NDE1: variants seen among roughly 807,000 people sequenced by gnomAD.
The protein encoded by NDE1 is nudE neurodevelopment protein 1, also known as nuclear distribution protein nudE homolog 1.
NDE1 carries 28 observed loss-of-function variants against 43.4 expected under a neutral mutation model. The observed-to-expected ratio is 0.65, with a 90% CI of 0.48 to 0.89. The LOEUF (loss-of-function observed/expected upper bound fraction) is 0.89. Among genes scored for constraint, NDE1 ranks in the 40% least tolerant of loss-of-function variants. The pLI is 0.00. For missense variants in NDE1, 441 were observed against 434.1 expected, an observed-to-expected ratio of 1.02 and a Z score of -0.14; for synonymous variants, 184 against 172.0, an observed-to-expected ratio of 1.07 and a Z score of -0.55.
At chr16:15,680,083 A>G (rs1353938556) in intron 4 of NDE1, among the ~76,000 whole-genome samples, 1 of 152,074 alleles carries the variant, frequency 6.6e-6, no homozygotes, top group Non-Finnish European at 1.5e-5. Context: ...CCAGCCAGAG[A>G]TGATGAATTC....
intron 8 of NDE1, chr16:15,721,235 C>T: frequency 6.4e-6 from 6 of 940,140 alleles, no homozygotes; most frequent in Non-Finnish European, 9.9e-6. Flanking sequence ...GACCCCCCAA[C>T]TCAGACCCAT....
chr16:15,697,460 G>C (rs1459681849), intron 8 of NDE1, among the ~76,000 whole-genome samples: 1 of 152,118 alleles, frequency 6.6e-6, no homozygotes, highest in Non-Finnish European at 1.5e-5. Context: ...TGTAATCCCA[G>C]CAGTCTGGGA....
At chr16:15,698,430 A>G (rs2151147766) in intron 8 of NDE1, among the ~76,000 whole-genome samples, 1 of 152,300 alleles carries the variant, frequency 6.6e-6, no homozygotes, top group South Asian at 2.1e-4. Flanking sequence ...AGATTCAGGA[A>G]TTCTGCAAGG....
chr16:15,688,846 C>T (rs989687363), intron 5 of NDE1, among the ~76,000 whole-genome samples: 2 of 151,440 alleles, frequency 1.3e-5, no homozygotes, highest in South Asian at 4.2e-4. Context: ...TGCAGGTGTG[C>T]ACCACCATGC....
At chr16:15,679,005 G>A (rs1330329958) in intron 4 of NDE1, among the ~76,000 whole-genome samples, 4 of 152,084 alleles carry the variant, frequency 2.6e-5, no homozygotes, top group Non-Finnish European at 2.9e-5. Flanking sequence ...GAACTGGGAA[G>A]GGCGGAGCGT....
chr16:15,667,394 C>T lies in NDE1; in HGVS notation c.192C>T (p.Leu64=). 1 of 1,613,938 alleles carries T rather than the reference C, an allele frequency of 6.2e-7. No individual in the cohort carries two copies. Among genetic ancestry groups the T allele is most frequent in the South Asian group, 1.1e-5 (1 of 91,066 alleles). ...LQQIETRNRD[L]LSENNRLRME... is the part of the protein sequence containing the mutation. ...AAATTGAAACCAGGAACAGAGACCT[C>T]CTGTCCGAAAATAACCGCCTTCGCA... The change falls in exon 3 of 9, where the codon CTC becomes CTT. Residue 64 remains leucine (L), a synonymous_variant. Transcript: ENST00000396354.
chr16:15,721,384 C>T lies in NDE1; in HGVS notation c.948-2807C>T, dbSNP rs375247516. 75 of 1,606,710 alleles carry T rather than the reference C, an allele frequency of 4.7e-5. No homozygotes were observed. The African/African-American group carries it at 6.5e-4, about 14-fold the overall frequency. On this transcript the variant is annotated intron_variant, in intron 8 of 8. Transcript: ENST00000396354. ...GTGAATAGCACAGAGGGTGGGCAGG[C>T]GAAACATGGACGAGAAAAACCACCC...
Position 15,694,268 on chromosome 16 carries a change from C to T in NDE1, c.795+12C>T. 3 of 1,612,164 alleles carry T rather than the reference C, an allele frequency of 1.9e-6. No individual in the cohort carries two copies. The highest frequency in any genetic ancestry group is 2.5e-6 in the Non-Finnish European group (3 of 1,179,318). On this transcript the variant is annotated intron_variant, in intron 7 of 8. Transcript: ENST00000396354. ...TGCGGAAAGTCGGGGTAAGACCACA[C>T]TTTCCTGGCGTTTGGTGCCTTCCTG...
At chr16:15,699,533 G>A in intron 8 of NDE1, 1 of 1,184,302 alleles carries the variant, frequency 8.4e-7, no homozygotes, top group Non-Finnish European at 1.1e-6. Flanking sequence ...TCTGAGACTG[G>A]GCGTTTTGTG....
intron 8 of NDE1, chr16:15,721,710 G>T: frequency 6.7e-7 from 1 of 1,487,076 alleles, no homozygotes; most frequent in Non-Finnish European, 9.4e-7. Flanking sequence ...ACCGGGGGAA[G>T]CCCTGTGTCC....
chr16:15,686,252 C>T (rs539772719), intron 4 of NDE1: 1 of 530,948 alleles, frequency 1.9e-6, no homozygotes, highest in East Asian at 1.5e-4. Context: ...GTGTCCGGGC[C>T]TGTATGACTT....
At chr16:15,662,857 G>A (rs1014179782) in intron 1 of NDE1, among the ~76,000 whole-genome samples, 3 of 152,160 alleles carry the variant, frequency 2.0e-5, no homozygotes, top group African/African-American at 4.8e-5. Flanking sequence ...GGGATTATAG[G>A]CGTGAGCCAC....
At chr16:15,694,903 T>G (rs1304986091) in intron 7 of NDE1, 5 of 985,160 alleles carry the variant, frequency 5.1e-6, no homozygotes, top group Non-Finnish European at 6.0e-6. Context: ...TTTGGCCGGG[T>G]GCTCATACCT....
intron 8 of NDE1, chr16:15,703,702 G>T: frequency 2.2e-6 from 1 of 462,964 alleles, no homozygotes; most frequent in Non-Finnish European, 4.0e-6. Context: ...GTTCTTCCTG[G>T]CTCAGCCTCC....
At chr16:15,692,991 ATTTC>A (rs1246355479) in intron 6 of NDE1, among the ~76,000 whole-genome samples, 1 of 139,356 alleles carries the variant, frequency 7.2e-6, no homozygotes, top group Non-Finnish European at 1.5e-5. Context: ...GGGGCCTGAA[ATTTC>A]TTTCTCTCTT....
upstream of NDE1, among the ~76,000 whole-genome samples, chr16:15,648,062 A>G (rs1258307046): frequency 1.3e-5 from 2 of 151,384 alleles, no homozygotes; most frequent in Non-Finnish European, 2.9e-5. Flanking sequence ...GGATAATAAT[A>G]TATATATTTT....
At chr16:15,679,286 G>A (rs947465051) in intron 4 of NDE1, among the ~76,000 whole-genome samples, 1 of 152,016 alleles carries the variant, frequency 6.6e-6, no homozygotes, top group African/African-American at 2.4e-5. Context: ...ATGAGCCACT[G>A]CACCCGGCCT....
chr16:15,653,953 T>C (rs1413177264), intron 1 of NDE1, among the ~76,000 whole-genome samples: 1 of 152,050 alleles, frequency 6.6e-6, no homozygotes, highest in East Asian at 1.9e-4. Context: ...TGGTCTCTTA[T>C]CTGCTGACCT....
intron 8 of NDE1, among the ~76,000 whole-genome samples, chr16:15,698,503 G>T (rs996989610): frequency 6.6e-6 from 1 of 152,108 alleles, no homozygotes; most frequent in East Asian, 1.9e-4. Flanking sequence ...TAGCAGACAC[G>T]TGACAGGAAA....
Sources: gnomAD v4.1 joint callset for allele counts (sites outside exome capture counted in the v4.1 genomes callset) on GRCh38, gnomAD v4.1.1 for gene constraint, MANE v1.5 for transcripts, NCBI Gene and HGNC (gene_info 2026-07-23, HGNC 2026-07-21) for gene names.